The following SRGAP2C variants were observed in gnomAD, a reference collection of about 807,000 sequenced individuals.
SRGAP2C encodes SLIT-ROBO Rho GTPase activating protein 2C.
SRGAP2C carries 15 observed loss-of-function variants against 25.1 expected under a neutral mutation model. The ratio of observed to expected loss-of-function variants is 0.60; its 90% CI spans 0.40 to 0.92. SRGAP2C has a LOEUF of 0.92. SRGAP2C is among the 40% of genes least tolerant of loss of function. The pLI, the probability that SRGAP2C is intolerant of heterozygous loss-of-function variation, is 0.00. For synonymous variants in SRGAP2C, 44 were observed against 96.6 expected, an observed-to-expected ratio of 0.46 and a Z score of 3.19; for missense variants, 144 against 264.4, an observed-to-expected ratio of 0.54 and a Z score of 3.16.
intron 3 of SRGAP2C, among the ~76,000 whole-genome samples, chr1:121,309,350 T>C (rs1188800302): frequency 7.0e-6 from 1 of 143,474 alleles, no homozygotes; most frequent in Non-Finnish European, 1.5e-5. Context: ...TCAGGAGTAC[T>C]AATAAAGAAC....
In SRGAP2C at chr1:121,222,389, G is replaced by A. The variant is rs186500013; in HGVS notation, c.67+34876G>A. On this transcript the variant is annotated intron_variant, in intron 2 of 9. Transcript: ENST00000367123. ...CACACCTGTAATCCCACCACTTTGGGAGGCTGAGGTGGGTGGATTGCTTGA... is the reference window on the plus strand; with the variant it reads ...CACACCTGTAATCCCACCACTTTGGAAGGCTGAGGTGGGTGGATTGCTTGA... 1.9e-3 allele frequency among the ~76,000 whole-genome samples: 290 copies of A among 152,270 alleles called. 2 individuals are homozygous for A. Among genetic ancestry groups the A allele is most frequent in the African/African-American group, 6.5e-3 (269 of 41,550 alleles).
At chr1:121,359,596 C>T (rs1553348149) in intron 4 of SRGAP2C, among the ~76,000 whole-genome samples, 2 of 152,100 alleles carry the variant, frequency 1.3e-5, no homozygotes, top group East Asian at 3.9e-4. Flanking sequence ...CAGTGAGATC[C>T]CATCTCTACA....
Position 121,392,292 on chromosome 1 carries a change from C to CTTCCTT in SRGAP2C, c.*4437_*4438insTTCCTT, listed in dbSNP as rs1214115969. ...TTTTCACCTTTCTTCCTTCTTCCTTCCCCCTCCTCCTTTTTACTTTTCTTC... is the reference window on the plus strand; with the variant it reads ...TTTTCACCTTTCTTCCTTCTTCCTTCTTCCTTCCCCTCCTCCTTTTTACTTTTCTTC... On this transcript the variant is annotated 3_prime_UTR_variant, in exon 10 of 10. Transcript: ENST00000367123. The CTTCCTT allele has an allele frequency of 6.6e-6, 1 of 151,852 alleles. No individual in the cohort carries two copies. The highest frequency in any genetic ancestry group is 6.6e-5 in the Admixed American group (1 of 15,244). The allele number at this position is 151,852 out of a possible 1,614,324, so 9.4% of individuals were successfully genotyped here.
Position 121,285,389 on chromosome 1 carries a change from CTG to C in SRGAP2C, c.260+396_260+397del, listed in dbSNP as rs1657336819. ...CTTAACTCAGGGTCTATCTTAATCT[CTG>C]TCTCTCTCTCTCTCACACACACACA... On this transcript the variant is annotated intron_variant, in intron 3 of 9. Coordinates refer to ENST00000367123, the MANE Select transcript of SRGAP2C (RefSeq NM_001329984.2). Among the ~76,000 whole-genome samples the C allele has an allele frequency of 8.8e-5, 10 of 113,950 alleles. No individual in the cohort carries two copies. In the East Asian group the frequency reaches 2.0e-3, roughly 22 times the overall value. 74.8% of individuals were successfully genotyped at this position (113,950 alleles called of 152,430 possible). A position where few individuals can be genotyped will look rare whatever the true frequency, so the allele number is the denominator to read the frequency against.
At chr1:121,188,892 G>A (rs61803095) in intron 2 of SRGAP2C, among the ~76,000 whole-genome samples, 1,088 of 51,012 alleles carry the variant, frequency 0.021, 17 homozygotes, top group African/African-American at 0.03. Context: ...TATTACAGAG[G>A]TGGGGGAGTT....
intron 5 of SRGAP2C, among the ~76,000 whole-genome samples, chr1:121,370,609 T>C (rs1570818229): frequency 6.6e-6 from 1 of 151,380 alleles, no homozygotes; most frequent in Non-Finnish European, 1.5e-5. Context: ...GCCCAGTTAA[T>C]TTATTTTTGT....
At chr1:121,350,404 T>A (rs1174652133) in intron 4 of SRGAP2C, among the ~76,000 whole-genome samples, 1 of 142,784 alleles carries the variant, frequency 7.0e-6, no homozygotes, top group East Asian at 2.2e-4. Flanking sequence ...CATTATTATG[T>A]TTGGCACTCA....
intron 2 of SRGAP2C, among the ~76,000 whole-genome samples, chr1:121,272,220 G>C (rs1229289802): frequency 2.2e-4 from 30 of 134,962 alleles, no homozygotes; most frequent in African/African-American, 7.5e-4. Flanking sequence ...AATGTACCAG[G>C]AATTATTCTA....
chr1:121,358,494 T>TA (rs1479146231), intron 4 of SRGAP2C, among the ~76,000 whole-genome samples: 1 of 125,474 alleles, frequency 8.0e-6, no homozygotes, highest in Non-Finnish European at 1.7e-5. Context: ...TATTGGGCCT[T>TA]AGACTAGTCA....
chr1:121,286,346 T>C (rs1464994441), intron 3 of SRGAP2C, among the ~76,000 whole-genome samples: 4 of 147,540 alleles, frequency 2.7e-5, no homozygotes, highest in Non-Finnish European at 6.0e-5. Context: ...TCTTGGGCTC[T>C]AGTGATCCTC....
intron 3 of SRGAP2C, among the ~76,000 whole-genome samples, chr1:121,313,540 G>A (rs1232270555): frequency 2.2e-5 from 3 of 135,426 alleles, no homozygotes; most frequent in African/African-American, 3.0e-5. Context: ...TTACATTTTG[G>A]CATGATTTTG....
intron 2 of SRGAP2C, among the ~76,000 whole-genome samples, chr1:121,221,907 G>A (rs1223773368): frequency 1.3e-5 from 2 of 151,898 alleles, no homozygotes; most frequent in Non-Finnish European, 2.9e-5. Flanking sequence ...TCATGGAGCT[G>A]GCTCCTTGAA....
chr1:121,262,966 A>G (rs1353059392), intron 2 of SRGAP2C, among the ~76,000 whole-genome samples: 12 of 151,476 alleles, frequency 7.9e-5, no homozygotes, highest in African/African-American at 2.4e-5. Context: ...TCAAGTTGAC[A>G]TAATACACAC....
chr1:121,265,793 T>C (rs1456281679), intron 2 of SRGAP2C, among the ~76,000 whole-genome samples: 3 of 151,970 alleles, frequency 2.0e-5, no homozygotes, highest in Non-Finnish European at 2.9e-5. Flanking sequence ...CTATATCTTA[T>C]GTCTTTAATA....
chr1:121,320,737 A>G (rs1310460143), intron 3 of SRGAP2C, among the ~76,000 whole-genome samples: 122 of 152,302 alleles, frequency 8.0e-4, no homozygotes, highest in African/African-American at 1.8e-3. Flanking sequence ...GGAAAAAAGA[A>G]GATACTTTTG....
intron 2 of SRGAP2C, among the ~76,000 whole-genome samples, chr1:121,195,648 G>T (rs1553320496): frequency 7.2e-6 from 1 of 139,660 alleles, no homozygotes; most frequent in Non-Finnish European, 1.6e-5. Context: ...TTCTCAATCT[G>T]ACTGCAACCT....
chr1:121,314,268 C>A (rs1364430340), intron 3 of SRGAP2C, among the ~76,000 whole-genome samples: 2 of 144,256 alleles, frequency 1.4e-5, no homozygotes, highest in African/African-American at 5.2e-5. Context: ...CCTTGGTTTT[C>A]AGCTCCATCA....
intron 3 of SRGAP2C, among the ~76,000 whole-genome samples, chr1:121,287,593 G>A (rs1336055270): frequency 6.6e-6 from 1 of 152,018 alleles, no homozygotes; most frequent in African/African-American, 2.4e-5. Context: ...GCTTATGGAC[G>A]TATTTGTTAC....
intron 4 of SRGAP2C, among the ~76,000 whole-genome samples, chr1:121,328,854 T>TA (rs1658371842): frequency 6.9e-6 from 1 of 145,506 alleles, no homozygotes; most frequent in South Asian, 2.2e-4. Flanking sequence ...GCCACTGTAC[T>TA]CTAGCTTGAG....
Sources: gnomAD v4.1 joint callset for allele counts (sites outside exome capture counted in the v4.1 genomes callset) on GRCh38, gnomAD v4.1.1 for gene constraint, MANE v1.5 for transcripts, NCBI Gene and HGNC (gene_info 2026-07-23, HGNC 2026-07-21) for gene names.